The following CTNNBIP1 variants were observed in gnomAD, a reference collection of about 807,000 sequenced individuals.
The protein encoded by CTNNBIP1 is beta-catenin-interacting protein 1.
Under a neutral mutation model 11.8 loss-of-function variants are expected in CTNNBIP1, and 7 were observed. The ratio of observed to expected loss-of-function variants is 0.60; its 90% CI spans 0.34 to 1.12. CTNNBIP1 has a LOEUF of 1.12. Ranked by LOEUF, CTNNBIP1 falls within the 50% of genes most tolerant of loss-of-function variation. The pLI is 0.03. For synonymous variants in CTNNBIP1, 58 were observed against 43.9 expected, an observed-to-expected ratio of 1.32 and a Z score of -1.26; for missense variants, 101 against 113.4, an observed-to-expected ratio of 0.89 and a Z score of 0.50.
intron 5 of CTNNBIP1, among the ~76,000 whole-genome samples, chr1:9,866,679 CA>C (rs57899217): frequency 0.15 from 16,501 of 107,134 alleles, 2,586 homozygotes; most frequent in African/African-American, 0.4. Flanking sequence ...AACTCCTTCT[CA>C]AAAAAAAAAA....
chr1:9,897,091 A>G (rs1639423728), intron 1 of CTNNBIP1, among the ~76,000 whole-genome samples: 1 of 151,812 alleles, frequency 6.6e-6, no homozygotes, highest in African/African-American at 2.4e-5. Flanking sequence ...CAATGAGCCA[A>G]GATCACATCA....
chr1:9,853,076 C>T (rs1328592575), intron 5 of CTNNBIP1, among the ~76,000 whole-genome samples: 1 of 152,210 alleles, frequency 6.6e-6, no homozygotes, highest in Admixed American at 6.5e-5. Flanking sequence ...GAGTCCTACC[C>T]TTCCCACACT....
intron 3 of CTNNBIP1, among the ~76,000 whole-genome samples, chr1:9,875,692 G>A (rs1570577577): frequency 1.3e-5 from 2 of 152,348 alleles, no homozygotes; most frequent in South Asian, 4.1e-4. Context: ...TGGTCATGGA[G>A]AATTCTTCCA....
chr1:9,869,200 A>G (rs1276414178), intron 5 of CTNNBIP1, among the ~76,000 whole-genome samples: 1 of 149,638 alleles, frequency 6.7e-6, no homozygotes, highest in Non-Finnish European at 1.5e-5. Flanking sequence ...GGGTCTCCCT[A>G]TGTTGCCCAG....
intron 1 of CTNNBIP1, among the ~76,000 whole-genome samples, chr1:9,903,962 TACTTA>T (rs756658396): frequency 1.3e-5 from 2 of 152,216 alleles, no homozygotes; most frequent in Non-Finnish European, 2.9e-5. Context: ...TCAAACACTT[TACTTA>T]ACTTTTCTAG....
intron 3 of CTNNBIP1, among the ~76,000 whole-genome samples, chr1:9,875,996 A>G (rs1363327764): frequency 6.6e-6 from 1 of 152,214 alleles, no homozygotes; most frequent in Non-Finnish European, 1.5e-5. Context: ...ATACAAGCAA[A>G]CGTGCTATTA....
intron 1 of CTNNBIP1, among the ~76,000 whole-genome samples, chr1:9,886,193 G>A (rs1045775367): frequency 6.6e-6 from 1 of 152,220 alleles, no homozygotes; most frequent in Non-Finnish European, 1.5e-5. Context: ...AAGGGACAGA[G>A]AGGCGGGAGG....
rs781518102 is a variant in CTNNBIP1, at chr1:9,883,094, G to T, written c.-110+611C>A. 6.6e-5 allele frequency among the ~76,000 whole-genome samples: 10 copies of T among 152,190 alleles called. No individual in the cohort carries two copies. Among genetic ancestry groups the T allele is most frequent in the Non-Finnish European group, 1.0e-4 (7 of 68,014 alleles). Reference sequence around the variant, plus strand: ...GAGCCAGAGCAGTCAGGAACAGCGGGTGCCTGGGTGGCAGCAGCGGGACGG... The same window carrying T: ...GAGCCAGAGCAGTCAGGAACAGCGGTTGCCTGGGTGGCAGCAGCGGGACGG... On this transcript the variant is annotated intron_variant, in intron 2 of 5. Transcript: ENST00000377263. This position sits in a 1 kb window ranked among gnomAD's most constrained non-coding sequence, Gnocchi z 5.6.
intron 5 of CTNNBIP1, among the ~76,000 whole-genome samples, chr1:9,855,783 A>C (rs1465337358): frequency 1.4e-5 from 2 of 147,276 alleles, no homozygotes; most frequent in African/African-American, 5.1e-5. Flanking sequence ...GCTAGAGTGC[A>C]GTGGTACAAT....
chr1:9,850,635 G>T lies in CTNNBIP1; in HGVS notation c.*83C>A, dbSNP rs569310075. 74 of 1,300,638 alleles carry T rather than the reference G, an allele frequency of 5.7e-5. No individual in the cohort carries two copies. In the African/African-American group the frequency reaches 9.2e-4, roughly 16 times the overall value. The allele number at this position is 1,300,638 out of a possible 1,614,324, so 80.6% of individuals were successfully genotyped here. On this transcript the variant is annotated 3_prime_UTR_variant, in exon 6 of 6. Transcript: ENST00000377263. ...GGGAAGGGGGAGGTGGGGCAAGGGG[G>T]GCTGCTGCCACTCAGCCGGCCCAGG...
intron 5 of CTNNBIP1, among the ~76,000 whole-genome samples, chr1:9,869,836 A>G (rs1638825317): frequency 6.6e-6 from 1 of 152,232 alleles, no homozygotes; most frequent in African/African-American, 2.4e-5. Context: ...GCCATGGTAG[A>G]GGGTGCCATG....
intron 1 of CTNNBIP1, among the ~76,000 whole-genome samples, chr1:9,893,907 A>C (rs1639355600): frequency 6.6e-6 from 1 of 152,252 alleles, no homozygotes; most frequent in Non-Finnish European, 1.5e-5. Context: ...CACCCAAAAA[A>C]GAAGTTCCTA....
chr1:9,893,747 A>C (rs148052060), intron 1 of CTNNBIP1, among the ~76,000 whole-genome samples: 1 of 152,308 alleles, frequency 6.6e-6, no homozygotes, highest in East Asian at 1.9e-4. Context: ...GGAGCACATA[A>C]TGCAATGTTA....
At chr1:9,856,269 G>A (rs1638500381) in intron 5 of CTNNBIP1, among the ~76,000 whole-genome samples, 1 of 151,806 alleles carries the variant, frequency 6.6e-6, no homozygotes, top group Non-Finnish European at 1.5e-5. Flanking sequence ...CCTCTGCCAT[G>A]TAAAGTACTG....
chr1:9,902,408 A>G (rs1208400113), intron 1 of CTNNBIP1, among the ~76,000 whole-genome samples: 1 of 152,236 alleles, frequency 6.6e-6, no homozygotes, highest in Non-Finnish European at 1.5e-5. Context: ...TCAAGTTAAC[A>G]GTCAAAGGGT....
intron 1 of CTNNBIP1, among the ~76,000 whole-genome samples, chr1:9,899,689 G>A (rs1639483286): frequency 6.6e-6 from 1 of 151,944 alleles, no homozygotes; most frequent in Non-Finnish European, 1.5e-5. Flanking sequence ...AACCCGGGAG[G>A]CGGAGGTTGC....
Position 9,895,702 on chromosome 1 carries a change from G to A in CTNNBIP1, c.-143-11964C>T, listed in dbSNP as rs145132399. ...AGTAGAGACAGGATTTCACCATGTTGGCCAGGCTGGTCTCTCGAACTCCTG... is the reference window on the plus strand; with the variant it reads ...AGTAGAGACAGGATTTCACCATGTTAGCCAGGCTGGTCTCTCGAACTCCTG... On this transcript the variant is annotated intron_variant, in intron 1 of 5. Coordinates refer to ENST00000377263, the MANE Select transcript of CTNNBIP1 (RefSeq NM_020248.3). 5.5e-4 allele frequency among the ~76,000 whole-genome samples: 84 copies of A among 151,814 alleles called. 1 individual carries two copies. Among genetic ancestry groups the A allele is most frequent in the African/African-American group, 2.0e-3 (82 of 41,362 alleles).
intron 1 of CTNNBIP1, among the ~76,000 whole-genome samples, chr1:9,893,455 C>A (rs919030047): frequency 2.0e-5 from 3 of 152,146 alleles, no homozygotes; most frequent in African/African-American, 7.2e-5. Context: ...CTGTTAAGAG[C>A]TCCCCTGGCA....
At chr1:9,884,681 A>G (rs1639150085) in intron 1 of CTNNBIP1, among the ~76,000 whole-genome samples, 2 of 152,190 alleles carry the variant, frequency 1.3e-5, no homozygotes, top group Non-Finnish European at 2.9e-5. Context: ...GCGTATGTAC[A>G]TCCTAGAGAG....
Sources: gnomAD v4.1 joint callset for allele counts (sites outside exome capture counted in the v4.1 genomes callset) on GRCh38, gnomAD v4.1.1 for gene constraint, Gnocchi (gnomAD v3.1) non-coding constraint, MANE v1.5 for transcripts, NCBI Gene and HGNC (gene_info 2026-07-23, HGNC 2026-07-21) for gene names.